BTBD18: variants seen among roughly 807,000 people sequenced by gnomAD.
BTBD18 encodes BTB/POZ domain-containing protein 18.
For synonymous variants in BTBD18, 311 were observed against 324.4 expected (o/e 0.96, Z 0.44); for missense variants, 787 against 846.3 (o/e 0.93, Z 0.87).
intron 1 of BTBD18, 116 bp from the exon 2 acceptor site, chr11:57,751,352 A>C (rs934590953): frequency 7.1e-5 from 37 of 519,092 alleles, no homozygotes; most frequent in Non-Finnish European, 2.3e-5. Flanking sequence ...AGGAAACATC[A>C]GCCCAGAAAT....
rs769959374 is a variant in BTBD18 at position 57,744,830 on chromosome 11, C to T, written c.1443G>A (p.Glu481=). The T allele has an allele frequency of 1.2e-5, 18 of 1,551,738 alleles. No individual in the cohort carries two copies. The highest frequency in any genetic ancestry group is 1.6e-5 in the Non-Finnish European group (18 of 1,146,996). Residue 481 remains glutamate (E), a synonymous_variant, in exon 3 of 3, where the codon GAG becomes GAA. Coordinates refer to ENST00000422652, the MANE Select transcript of BTBD18 (RefSeq NM_001145101.3). The part of the protein sequence containing the change: ...TALLEQPCEA[E]EYRITSAAAT... ...CAGCAGCACTTGTGATTCGGTACTC[C>T]TCAGCCTCACAGGGCTGCTCCAGCA...
At position 57,744,545 on chromosome 11, in the gene BTBD18, G is replaced by A. The variant is rs1170134559; in HGVS notation, c.1728C>T (p.Val576=). 6.4e-7 allele frequency: 1 copy of A among 1,551,678 alleles called. No homozygotes were observed. Among genetic ancestry groups the A allele is most frequent in the South Asian group, 1.2e-5 (1 of 84,054 alleles). ...RGPTELLSPL[V]MPSEVSEVLS... is the part of the protein sequence containing the mutation. ...GCACTTCACTCACCTCAGAGGGCAT[G>A]ACAAGGGGGCTAAGGAGCTCAGTTG... The change falls in exon 3 of 3, where the codon GTC becomes GTT. Residue 576 remains valine, a synonymous_variant. Coordinates refer to ENST00000422652, the MANE Select transcript of BTBD18 (RefSeq NM_001145101.3).
rs746792201 is a variant in BTBD18 at position 57,745,738 on chromosome 11, T to C, written c.535A>G (p.Ile179Val). ...TCCTTCCCCAAGGACTTCAATCTTA[T>C]TGCCCCAAGAGGACAAGGAGTTTGA... ...TNQTPCPLGA[I>V]RLKSLGKEEG... Residue 179 changes from isoleucine to valine, a missense_variant, in exon 3 of 3, where the codon ATA becomes GTA. Ile to Val is a conservative substitution (Grantham distance 29). Coordinates refer to ENST00000422652, the MANE Select transcript of BTBD18 (RefSeq NM_001145101.3). 17 of 1,551,636 alleles carry C rather than the reference T, an allele frequency of 1.1e-5. No homozygotes were observed. The South Asian group carries it at 1.7e-4, about 15-fold the overall frequency.
In BTBD18 at chr11:57,745,179, T is replaced by C. The variant is rs370489662; in HGVS notation, c.1094A>G (p.Asn365Ser). The part of the protein sequence containing the change: ...VGRVKLRKIV[N>S]GTCWEVVQET... Reference sequence around the variant, plus strand: ...TTGTACCACTTCCCAGCAAGTCCCATTGACAATCTTCCTAAGTTTAACTCT... The same window carrying C: ...TTGTACCACTTCCCAGCAAGTCCCACTGACAATCTTCCTAAGTTTAACTCT... The change falls in exon 3 of 3, where the codon AAT (asparagine) becomes AGT (serine). Residue 365 changes from asparagine to serine, a missense_variant. Physicochemically the swap from Asn to Ser is conservative, Grantham distance 46. Coordinates refer to ENST00000422652, the MANE Select transcript of BTBD18 (RefSeq NM_001145101.3). 2.6e-6 allele frequency: 4 copies of C among 1,551,684 alleles called. No individual in the cohort carries two copies. The highest frequency in any genetic ancestry group is 3.5e-6 in the Non-Finnish European group (4 of 1,146,984).
rs1270646253 is a variant in BTBD18, at chr11:57,744,928, T to C, written c.1345A>G (p.Ser449Gly). The C allele has an allele frequency of 1.9e-6, 3 of 1,551,448 alleles. No homozygotes were observed. Among genetic ancestry groups the C allele is most frequent in the South Asian group, 2.4e-5 (2 of 84,032 alleles). Reference protein sequence around the residue: ...HPVVKSEFESSPELVEKEPML... With the variant: ...HPVVKSEFESGPELVEKEPML... ...GGTTCCTTCTCTACCAGTTCTGGACTGGACTCAAACTCTGACTTCACCACT... is the reference window on the plus strand; with the variant it reads ...GGTTCCTTCTCTACCAGTTCTGGACCGGACTCAAACTCTGACTTCACCACT... Residue 449 changes from serine to glycine, a missense_variant, in exon 3 of 3, where the codon AGT becomes GGT. By Grantham distance (56) the Ser-to-Gly change is moderately conservative. Coordinates refer to ENST00000422652, the MANE Select transcript of BTBD18 (RefSeq NM_001145101.3).
chr11:57,744,344 A>G lies in BTBD18; in HGVS notation c.1929T>C (p.Thr643=). ...WVETGLEVSL[T]TDELLYPSPK... ...GAGAAGGGTATAATAACTCATCTGTAGTCAAGGAGACTTCCAGCCCAGTCT... is the reference window on the plus strand; with the variant it reads ...GAGAAGGGTATAATAACTCATCTGTGGTCAAGGAGACTTCCAGCCCAGTCT... Residue 643 remains threonine, a synonymous_variant, in exon 3 of 3, where the codon ACT becomes ACC. Coordinates refer to ENST00000422652, the MANE Select transcript of BTBD18 (RefSeq NM_001145101.3). 6.4e-7 allele frequency: 1 copy of G among 1,551,624 alleles called. No homozygotes were observed. The highest frequency in any genetic ancestry group is 8.7e-7 in the Non-Finnish European group (1 of 1,146,940).
In BTBD18 at chr11:57,744,301, C is replaced by T. The variant is rs1412634111; in HGVS notation, c.1972G>A (p.Val658Ile). ...LYPSPKAGKE[V>I]SGHSELLGSL... ...CCTAGTAGTTCAGAGTGACCAGATA[C>T]CTCCTTGCCTGCCTTGGGAGAAGGG... is the stretch of plus-strand genomic sequence containing the variant. The change falls in exon 3 of 3, where the codon GTA (valine) becomes ATA (isoleucine). Residue 658 changes from valine (V) to isoleucine (I), a missense_variant. Coordinates refer to ENST00000422652, the MANE Select transcript of BTBD18 (RefSeq NM_001145101.3). 1 of 1,551,560 alleles carries T rather than the reference C, an allele frequency of 6.4e-7. No homozygotes were observed. The highest frequency in any genetic ancestry group is 1.4e-5 in the African/African-American group (1 of 73,052).
chr11:57,747,324 C>T (rs1949215077), intron 2 of BTBD18, among the ~76,000 whole-genome samples: 1 of 152,204 alleles, frequency 6.6e-6, no homozygotes, highest in South Asian at 2.1e-4. Flanking sequence ...ATATATGCCT[C>T]ACAAGCACCT....
At position 57,751,548 on chromosome 11, in the gene BTBD18, G is replaced by C. The variant is rs1949312166; in HGVS notation, c.-56C>G. ...TAGAATAATAGTACTTACCTTGTAG[G>C]GTTGTTTTAAAGATTAAATGAGTCA... On this transcript the variant is annotated 5_prime_UTR_variant, in exon 1 of 3. Coordinates refer to ENST00000422652, the MANE Select transcript of BTBD18 (RefSeq NM_001145101.3). The C allele has an allele frequency of 6.3e-6, 1 of 158,148 alleles. No individual in the cohort carries two copies. The highest frequency in any genetic ancestry group is 2.4e-5 in the African/African-American group (1 of 41,610). The allele number at this position is 158,148 out of a possible 1,614,324, so 9.8% of individuals were successfully genotyped here. A position where few individuals can be genotyped will look rare whatever the true frequency, so the allele number is the denominator to read the frequency against.
Position 57,744,555 on chromosome 11 carries a change from C to T in BTBD18, c.1718G>A (p.Ser573Asn). ...CACCTCAGAGGGCATGACAAGGGGG[C>T]TAAGGAGCTCAGTTGGCCCTCTGTT... The part of the protein sequence containing the change: ...GENRGPTELL[S>N]PLVMPSEVSE... Residue 573 changes from serine to asparagine, a missense_variant, in exon 3 of 3, where the codon AGC becomes AAC. Physicochemically the swap from Ser to Asn is conservative, Grantham distance 46. Coordinates refer to ENST00000422652, the MANE Select transcript of BTBD18 (RefSeq NM_001145101.3). 1 of 1,551,702 alleles carries T rather than the reference C, an allele frequency of 6.4e-7. No homozygotes were observed. Among genetic ancestry groups the T allele is most frequent in the Non-Finnish European group, 8.7e-7 (1 of 1,146,978 alleles).
At chr11:57,750,061 A>C (rs1231783698) in intron 2 of BTBD18, among the ~76,000 whole-genome samples, 1 of 152,160 alleles carries the variant, frequency 6.6e-6, no homozygotes, top group African/African-American at 2.4e-5. Context: ...ACAAACAACA[A>C]AAGTCATCAA....
intron 2 of BTBD18, among the ~76,000 whole-genome samples, chr11:57,750,498 C>T (rs568553347): frequency 1.4e-4 from 21 of 152,386 alleles, no homozygotes; most frequent in African/African-American, 3.8e-4. Context: ...GAGTTTGAGA[C>T]CAGCCTGGCC....
intron 2 of BTBD18, 76 bp from the exon 3 acceptor site, chr11:57,746,224 A>G: frequency 8.9e-7 from 1 of 1,123,004 alleles, no homozygotes; most frequent in Non-Finnish European, 1.2e-6. Context: ...ATTACTACCC[A>G]AATGTACTGC....
Position 57,745,769 on chromosome 11 carries a change from G to A in BTBD18, c.504C>T (p.Pro168=). 6.4e-7 allele frequency: 1 copy of A among 1,551,626 alleles called. No homozygotes were observed. Among genetic ancestry groups the A allele is most frequent in the African/African-American group, 1.4e-5 (1 of 73,124 alleles). The change falls in exon 3 of 3, where the codon CCC becomes CCT. Residue 168 remains proline (P), a synonymous_variant. Transcript: ENST00000422652. ...CAAGAGGACAAGGAGTTTGATTAGT[G>A]GGCAGTGGGGTGTGAGGGTGGTGGC... ...TPSHHPHTPL[P]TNQTPCPLGA...
chr11:57,746,254 C>T, intron 2 of BTBD18, 106 bp from the exon 3 acceptor site: 2 of 875,648 alleles, frequency 2.3e-6, no homozygotes, highest in Non-Finnish European at 3.4e-6. Flanking sequence ...TATTTTCCTT[C>T]CATGGGACTT....
intron 2 of BTBD18, among the ~76,000 whole-genome samples, chr11:57,749,707 G>A (rs907665344): frequency 8.4e-5 from 11 of 131,408 alleles, no homozygotes; most frequent in Admixed American, 4.8e-4. Flanking sequence ...CTGAGACCGC[G>A]CAATTGCACT....
intron 2 of BTBD18, among the ~76,000 whole-genome samples, chr11:57,749,586 T>C (rs1949260134): frequency 2.0e-5 from 3 of 151,402 alleles, no homozygotes; most frequent in Non-Finnish European, 4.4e-5. Context: ...CGGTCTCTAC[T>C]AAAAAATACA....
chr11:57,751,827 T>A (rs1392080057), upstream of BTBD18: 1 of 152,208 alleles, frequency 6.6e-6, no homozygotes, highest in Non-Finnish European at 1.5e-5. Flanking sequence ...GCCTTTTCTC[T>A]GAGCTCACTG....
rs899145760 is a variant in BTBD18 at position 57,744,411 on chromosome 11, C to T, written c.1862G>A (p.Arg621Lys). ...LHVSSLDTPQ[R>K]SYGDLSPPCS... ...GGGAGGTGAGAGGTCCCCATAAGAC[C>T]TCTGGGGAGTATCAAGGGAGCTGAC... Residue 621 changes from arginine (R) to lysine (K), a missense_variant, in exon 3 of 3, where the codon AGG becomes AAG. Transcript: ENST00000422652. 8 of 1,551,688 alleles carry T rather than the reference C, an allele frequency of 5.2e-6. No homozygotes were observed. Among genetic ancestry groups the T allele is most frequent in the Non-Finnish European group, 7.0e-6 (8 of 1,146,992 alleles).
Sources: gnomAD v4.1 joint callset for allele counts (sites outside exome capture counted in the v4.1 genomes callset) on GRCh38, gnomAD v4.1.1 for gene constraint, MANE v1.5 for transcripts, NCBI Gene and HGNC (gene_info 2026-07-23, HGNC 2026-07-21) for gene names.